NTRK2: variants seen among roughly 807,000 people sequenced by gnomAD.
NTRK2 encodes neurotrophic receptor tyrosine kinase 2.
A neutral mutation model predicts 94.5 loss-of-function variants in NTRK2; 13 were observed. That is an observed-to-expected ratio of 0.14 (90% CI 0.09 to 0.22). NTRK2 has a LOEUF of 0.22. Among genes scored for constraint, NTRK2 ranks in the 10% least tolerant of loss-of-function variants. NTRK2 has a pLI of 1.00. For missense variants in NTRK2, 639 were observed against 1,071.2 expected (o/e 0.60, Z 5.63); for synonymous variants, 372 against 407.4 (o/e 0.91, Z 1.05).
chr9:84,736,044 C>G (rs1219311837), intron 9 of NTRK2, among the ~76,000 whole-genome samples: 1 of 152,200 alleles, frequency 6.6e-6, no homozygotes, highest in East Asian at 1.9e-4. Flanking sequence ...ATGTGAACAT[C>G]ACGTTGATGC....
intron 14 of NTRK2, among the ~76,000 whole-genome samples, chr9:84,887,878 C>T (rs1204360688): frequency 2.0e-5 from 3 of 152,098 alleles, no homozygotes; most frequent in Non-Finnish European, 4.4e-5. Context: ...TATTTGTTAA[C>T]GTTAATTGAG....
rs145491046 is a variant in NTRK2, at chr9:84,796,011, T to A, written c.1396+43926T>A. Among the ~76,000 whole-genome samples, 1,419 of 152,040 alleles carry A rather than the reference T, an allele frequency of 9.3e-3. 30 individuals carry two copies. The highest frequency in any genetic ancestry group is 0.033 in the African/African-American group (1,367 of 41,480). ...ATTCTTTAATTTATAGTTGACCACA[T>A]CCCTGCTCCCTATCTCACAGAACTG... On this transcript the variant is annotated intron_variant, in intron 12 of 18. Transcript: ENST00000277120.
rs2077774562 is a variant in NTRK2, at chr9:84,926,149, CCTTCCTTCCTTCCTTCCTTCCTTT to C, written c.1634-8009_1634-7986del. Among the ~76,000 whole-genome samples the C allele has an allele frequency of 2.7e-3, 240 of 88,832 alleles. 1 individual carries two copies. The highest frequency in any genetic ancestry group is 5.9e-3 in the African/African-American group (156 of 26,412). 58.3% of individuals were successfully genotyped at this position (88,832 alleles called of 152,430 possible). A position where few individuals can be genotyped will look rare whatever the true frequency, so the allele number is the denominator to read the frequency against. ...TCCTTCCTTCCTTCCTTCCTTCCTTCCTTCCTTCCTTCCTTCCTTCCTTTCTTTCTTTCTTTCTTTCTTTCTTTC... is the reference window on the plus strand; with the variant it reads ...TCCTTCCTTCCTTCCTTCCTTCCTTCCTTTCTTTCTTTCTTTCTTTCTTTC... On this transcript the variant is annotated intron_variant, in intron 14 of 18. Transcript: ENST00000277120.
Position 85,022,048 on chromosome 9 carries a change from A to G in NTRK2, c.*611A>G, listed in dbSNP as rs1417757966. On this transcript the variant is annotated 3_prime_UTR_variant, in exon 19 of 19. Coordinates refer to ENST00000277120, the MANE Select transcript of NTRK2 (RefSeq NM_006180.6). ...TGTATAAAAAAGAAAACTTGTGTTC[A>G]ATCTGTGAAGCCTTTATCTATGGGA... The G allele has an allele frequency of 1.7e-5, 4 of 234,114 alleles. No homozygotes were observed. In the East Asian group the frequency reaches 2.4e-4, roughly 14 times the overall value. The allele number at this position is 234,114 out of a possible 1,614,324, so 14.5% of individuals were successfully genotyped here.
intron 17 of NTRK2, among the ~76,000 whole-genome samples, chr9:84,996,936 G>A (rs541595095): frequency 6.6e-6 from 1 of 152,294 alleles, no homozygotes; most frequent in South Asian, 2.1e-4. Flanking sequence ...TTTCATGGCT[G>A]TTTCAGTGCA....
chr9:84,854,440 C>T lies in NTRK2; in HGVS notation c.1397-6600C>T, dbSNP rs531861202. Reference sequence around the variant, plus strand: ...TGTTTCTAGGGGAGCTGGTCTAAGTCGCTGGCTTCTTGAGGCTCAAATTCT... The same window carrying T: ...TGTTTCTAGGGGAGCTGGTCTAAGTTGCTGGCTTCTTGAGGCTCAAATTCT... On this transcript the variant is annotated intron_variant, in intron 12 of 18. Coordinates refer to ENST00000277120, the MANE Select transcript of NTRK2 (RefSeq NM_006180.6). 5.3e-5 allele frequency among the ~76,000 whole-genome samples: 8 copies of T among 152,136 alleles called. No homozygotes were observed. The East Asian group carries it at 9.7e-4, about 18-fold the overall frequency.
chr9:84,948,782 GGA>G (rs2078682682), intron 16 of NTRK2, 148 bp downstream of exon 16: 2 of 677,562 alleles, frequency 3.0e-6, no homozygotes, highest in Non-Finnish European at 5.0e-6. Context: ...AGAGAAAGGA[GGA>G]GAGAAAAAAG....
chr9:84,998,338 C>T (rs1400473686), intron 17 of NTRK2, among the ~76,000 whole-genome samples: 1 of 152,152 alleles, frequency 6.6e-6, no homozygotes, highest in Non-Finnish European at 1.5e-5. Flanking sequence ...GGTTTTCAGT[C>T]TCAGAGACCA....
intron 12 of NTRK2, among the ~76,000 whole-genome samples, chr9:84,826,250 C>T (rs2073181653): frequency 6.6e-6 from 1 of 152,120 alleles, no homozygotes; most frequent in Non-Finnish European, 1.5e-5. Context: ...GAGGGTCTCT[C>T]TTAGTTTCCA....
chr9:84,850,967 G>T lies in NTRK2; in HGVS notation c.1397-10073G>T, dbSNP rs563384289. 3.3e-5 allele frequency among the ~76,000 whole-genome samples: 5 copies of T among 152,260 alleles called. No individual in the cohort carries two copies. The South Asian group carries it at 8.3e-4, about 25-fold the overall frequency. On this transcript the variant is annotated intron_variant, in intron 12 of 18. Coordinates refer to ENST00000277120, the MANE Select transcript of NTRK2 (RefSeq NM_006180.6). ...GGATTTCTTTTTAGCAGGGATAAAAGGTTTTAGCATAAATTCTACCCTTGT... is the reference window on the plus strand; with the variant it reads ...GGATTTCTTTTTAGCAGGGATAAAATGTTTTAGCATAAATTCTACCCTTGT...
intron 2 of NTRK2, among the ~76,000 whole-genome samples, chr9:84,684,635 T>A (rs1474085618): frequency 2.6e-5 from 4 of 152,228 alleles, no homozygotes; most frequent in Non-Finnish European, 5.9e-5. Context: ...TTCCTACAAT[T>A]AAGGCAGTAC....
chr9:84,729,538 T>C (rs2062696790), intron 9 of NTRK2, among the ~76,000 whole-genome samples: 1 of 152,232 alleles, frequency 6.6e-6, no homozygotes, highest in African/African-American at 2.4e-5. Context: ...ACATAAACTT[T>C]TTATTTCTGA....
chr9:84,847,283 G>A (rs2074518818), intron 12 of NTRK2, among the ~76,000 whole-genome samples: 1 of 152,192 alleles, frequency 6.6e-6, no homozygotes, highest in Non-Finnish European at 1.5e-5. Flanking sequence ...GGCCTCTGGG[G>A]ATGCAGAAGT....
intron 14 of NTRK2, among the ~76,000 whole-genome samples, chr9:84,869,406 T>C (rs2075741209): frequency 6.6e-6 from 1 of 152,178 alleles, no homozygotes; most frequent in African/African-American, 2.4e-5. Context: ...AGATTTTCAT[T>C]TTTCCAGGCA....
At chr9:84,704,382 C>A (rs534596539) in intron 4 of NTRK2, among the ~76,000 whole-genome samples, 68 of 151,206 alleles carry the variant, frequency 4.5e-4, no homozygotes, top group African/African-American at 1.6e-3. Flanking sequence ...GCACCTGCCA[C>A]CACGCCAGGC....
At chr9:85,019,102 G>T (rs1423873560) in intron 17 of NTRK2, among the ~76,000 whole-genome samples, 3 of 152,122 alleles carry the variant, frequency 2.0e-5, no homozygotes, top group African/African-American at 4.8e-5. Context: ...CTTGGGTTCT[G>T]GGGTAGGGGA....
intron 14 of NTRK2, among the ~76,000 whole-genome samples, chr9:84,922,074 T>G (rs2077584798): frequency 6.6e-6 from 1 of 152,174 alleles, no homozygotes; most frequent in East Asian, 1.9e-4. Context: ...TATGACTTAG[T>G]GATAAATTAG....
intron 17 of NTRK2, among the ~76,000 whole-genome samples, chr9:85,012,797 T>C (rs1831771807): frequency 6.6e-6 from 1 of 152,196 alleles, no homozygotes; most frequent in Admixed American, 6.5e-5. Flanking sequence ...CAGGAGATAG[T>C]CATAATAGCT....
chr9:84,756,961 G>A (rs191594346), intron 12 of NTRK2, among the ~76,000 whole-genome samples: 11 of 152,270 alleles, frequency 7.2e-5, no homozygotes, highest in African/African-American at 1.7e-4. Flanking sequence ...TAAACATAGC[G>A]GGGCCAAAGC....
Sources: gnomAD v4.1 joint callset for allele counts (sites outside exome capture counted in the v4.1 genomes callset) on GRCh38, gnomAD v4.1.1 for gene constraint, MANE v1.5 for transcripts, NCBI Gene and HGNC (gene_info 2026-07-23, HGNC 2026-07-21) for gene names.